CCDC171: variants seen among roughly 807,000 people sequenced by gnomAD.
CCDC171 encodes the protein coiled-coil domain containing 171.
In CCDC171, 177 loss-of-function variants were observed where a neutral mutation model predicts 168.2. That is an observed-to-expected ratio of 1.05 (90% CI 0.93 to 1.19). The LOEUF is 1.19. Ranked by LOEUF, CCDC171 falls within the 50% of genes most tolerant of loss-of-function variation. The pLI, the probability that CCDC171 is intolerant of heterozygous loss-of-function variation, is 0.00. For synonymous variants in CCDC171, 687 were observed against 540.8 expected, an observed-to-expected ratio of 1.27 and a Z score of -3.75; for missense variants, 1,991 against 1,539.0, an observed-to-expected ratio of 1.29 and a Z score of -4.91.
chr9:15,588,801 G>A (rs557509696), intron 4 of CCDC171, among the ~76,000 whole-genome samples: 24 of 149,008 alleles, frequency 1.6e-4, no homozygotes, highest in Middle Eastern at 3.5e-3. Context: ...TCCACCTCCC[G>A]GGTTCACGTC....
chr9:16,082,655 G>T, the CCDC171 span, among the ~76,000 whole-genome samples: 1 of 152,120 alleles, frequency 6.6e-6, no homozygotes, highest in African/African-American at 2.4e-5. Flanking sequence ...GAGAGTGTAC[G>T]CATGTGTATG....
At chr9:15,696,335 G>A (rs894903900) in intron 11 of CCDC171, among the ~76,000 whole-genome samples, 1 of 152,082 alleles carries the variant, frequency 6.6e-6, no homozygotes, top group Non-Finnish European at 1.5e-5. Context: ...AATGTAGTGT[G>A]CTTTGCTATT....
At chr9:15,736,357 CT>C (rs1163850877) in intron 16 of CCDC171, among the ~76,000 whole-genome samples, 25 of 147,432 alleles carry the variant, frequency 1.7e-4, no homozygotes, top group East Asian at 2.0e-4. Context: ...ACTCATATTC[CT>C]TTTTTTTTTG....
the CCDC171 span, among the ~76,000 whole-genome samples, chr9:16,070,907 G>C: frequency 6.6e-6 from 1 of 152,314 alleles, no homozygotes; most frequent in Non-Finnish European, 1.5e-5. Context: ...AGGTTTGGAT[G>C]GGGGATTTTT....
chr9:15,744,289 C>T lies in CCDC171; in HGVS notation c.2066C>T (p.Ala689Val). The change falls in exon 17 of 26, where the codon GCT becomes GTT. Residue 689 changes from alanine (A) to valine (V), a missense_variant. Coordinates refer to ENST00000380701, the MANE Select transcript of CCDC171 (RefSeq NM_173550.4). ...QKRAQKFQEI[A>V]EKNMEKLNHI... ...CTTCCATAGAAATTTCAAGAAATTG[C>T]TGAAAAAAACATGGAAAAATTGAAC... The T allele has an allele frequency of 6.3e-7, 1 of 1,577,832 alleles. No homozygotes were observed.
chr9:15,665,162 T>C (rs2048641762), intron 8 of CCDC171, among the ~76,000 whole-genome samples: 1 of 152,126 alleles, frequency 6.6e-6, no homozygotes, highest in Admixed American at 6.5e-5. Flanking sequence ...AAGGTCTCAC[T>C]GTTAATCAGG....
chr9:15,696,139 ACT>A (rs1298283313), intron 11 of CCDC171, among the ~76,000 whole-genome samples: 1 of 152,118 alleles, frequency 6.6e-6, no homozygotes, highest in Non-Finnish European at 1.5e-5. Flanking sequence ...TAAATTTCTC[ACT>A]CTTAAAAATT....
chr9:15,686,770 C>G (rs2133581101), intron 10 of CCDC171, among the ~76,000 whole-genome samples: 1 of 152,160 alleles, frequency 6.6e-6, no homozygotes, highest in Non-Finnish European at 1.5e-5. Context: ...TGAAGCAAAA[C>G]CTGACATAAT....
chr9:15,767,201 A>C (rs2056769910), intron 18 of CCDC171, among the ~76,000 whole-genome samples: 1 of 152,242 alleles, frequency 6.6e-6, no homozygotes, highest in Admixed American at 6.5e-5. Context: ...TCTGGAGATC[A>C]GATGTCTGAA....
intron 16 of CCDC171, among the ~76,000 whole-genome samples, chr9:15,736,125 G>T (rs1330014990): frequency 6.6e-6 from 1 of 152,140 alleles, no homozygotes; most frequent in Non-Finnish European, 1.5e-5. Context: ...GACAGGATTA[G>T]AAGAAACATA....
At chr9:15,665,275 G>A (rs567000849) in intron 8 of CCDC171, among the ~76,000 whole-genome samples, 9 of 152,084 alleles carry the variant, frequency 5.9e-5, no homozygotes, top group African/African-American at 9.6e-5. Context: ...TACAGGCGCC[G>A]GCTGCCTCCA....
At chr9:15,610,697 A>G (rs2043619470) in intron 6 of CCDC171, among the ~76,000 whole-genome samples, 1 of 151,548 alleles carries the variant, frequency 6.6e-6, no homozygotes, top group East Asian at 1.9e-4. Context: ...ACCTGGGACT[A>G]CAGGTGTGCA....
chr9:15,798,574 T>G (rs929055320), intron 21 of CCDC171, among the ~76,000 whole-genome samples: 1 of 152,108 alleles, frequency 6.6e-6, no homozygotes, highest in African/African-American at 2.4e-5. Context: ...TTTTTCTAGT[T>G]GTTAAGGGTT....
At chr9:15,737,546 G>A (rs1342915458) in intron 16 of CCDC171, among the ~76,000 whole-genome samples, 2 of 152,072 alleles carry the variant, frequency 1.3e-5, no homozygotes, top group African/African-American at 2.4e-5. Flanking sequence ...TCTCTTAACA[G>A]TAAGCAAACC....
intron 13 of CCDC171, 88 bp downstream of exon 13, chr9:15,723,834 C>A: frequency 1.8e-6 from 1 of 563,892 alleles, no homozygotes; most frequent in Non-Finnish European, 3.0e-6. Flanking sequence ...ATTGAGGTAC[C>A]TGAAAATATG....
intron 24 of CCDC171, among the ~76,000 whole-genome samples, chr9:15,896,734 A>G (rs1464495026): frequency 1.3e-5 from 2 of 152,092 alleles, no homozygotes; most frequent in African/African-American, 2.4e-5. Flanking sequence ...TTCAGTATCT[A>G]GTTACACATT....
At chr9:16,058,639 T>C (rs1457964937) in intron 1 of CCDC171, among the ~76,000 whole-genome samples, 2 of 152,220 alleles carry the variant, frequency 1.3e-5, no homozygotes, top group East Asian at 3.8e-4. Flanking sequence ...GACCTTGTAA[T>C]AGACCAGCAA....
intron 10 of CCDC171, among the ~76,000 whole-genome samples, chr9:15,694,423 C>CT (rs2051057731): frequency 6.6e-6 from 1 of 152,148 alleles, no homozygotes; most frequent in Admixed American, 6.5e-5. Flanking sequence ...TGTAGAGTGT[C>CT]TTAGGTATCT....
At chr9:15,747,417 TCCTCAAGTGGGTCCCTGAC>T (rs1299185878) in intron 18 of CCDC171, among the ~76,000 whole-genome samples, 3 of 152,128 alleles carry the variant, frequency 2.0e-5, no homozygotes, top group Non-Finnish European at 4.4e-5. Context: ...GCAGACTGCA[TCCTCAAGTGGGTCCCTGAC>T]CCTCGTGTAG....
Sources: gnomAD v4.1 joint callset for allele counts (sites outside exome capture counted in the v4.1 genomes callset) on GRCh38, gnomAD v4.1.1 for gene constraint, MANE v1.5 for transcripts, NCBI Gene and HGNC (gene_info 2026-07-23, HGNC 2026-07-21) for gene names.